WDR76: variants seen among roughly 807,000 people sequenced by gnomAD.
WDR76 encodes the protein WD repeat-containing protein 76.
Under a neutral mutation model 70.2 loss-of-function variants are expected in WDR76, and 52 were observed. That is an observed-to-expected ratio of 0.74 (90% CI 0.59 to 0.93). The LOEUF (loss-of-function observed/expected upper bound fraction) is 0.93, where lower values mean the gene tolerates loss of function less well. WDR76 is among the 40% of genes least tolerant of loss of function. The probability of loss-of-function intolerance (pLI) is 0.00; values close to 1 mark genes in which losing one functional copy is unlikely to be tolerated. For synonymous variants in WDR76, 292 were observed against 271.1 expected, an observed-to-expected ratio of 1.08 and a Z score of -0.76; for missense variants, 756 against 760.2, an observed-to-expected ratio of 0.99 and a Z score of 0.07.
Position 43,828,282 on chromosome 15 carries a change from G to C in WDR76, c.378G>C (p.Lys126Asn). 6.2e-7 allele frequency: 1 copy of C among 1,614,128 alleles called. No individual in the cohort carries two copies. The highest frequency in any genetic ancestry group is 8.5e-7 in the Non-Finnish European group (1 of 1,180,028). ...VHTESNKLQPKRTADAMNLSV... is the reference protein window; with the variant it reads ...VHTESNKLQPNRTADAMNLSV... ...CTGAAAGTAACAAGCTACAACCCAA[G>C]AGAACGGCAGATGCGATGAATCTCA... Residue 126 changes from lysine to asparagine, a missense_variant, in exon 2 of 13, where the codon AAG becomes AAC. Lys to Asn is a moderately conservative substitution (Grantham distance 94). Transcript: ENST00000263795.
chr15:43,856,584 T>G (rs936482935), intron 9 of WDR76, among the ~76,000 whole-genome samples: 1 of 150,254 alleles, frequency 6.7e-6, no homozygotes, highest in Non-Finnish European at 1.5e-5. Flanking sequence ...CTTTGTTTCT[T>G]TTTTGTTTTG....
intron 8 of WDR76, among the ~76,000 whole-genome samples, chr15:43,846,078 T>C (rs924208331): frequency 6.7e-6 from 1 of 149,748 alleles, no homozygotes; most frequent in African/African-American, 2.4e-5. Context: ...AGCCAAGAGA[T>C]GAGTTTCAAG....
intron 7 of WDR76, 147 bp downstream of exon 7, chr15:43,842,818 G>T: frequency 2.8e-6 from 2 of 705,168 alleles, no homozygotes; most frequent in Non-Finnish European, 4.6e-6. Flanking sequence ...CACAAGTGTT[G>T]CCATATACAA....
At chr15:43,831,484 G>C (rs563369662) in intron 2 of WDR76, among the ~76,000 whole-genome samples, 1 of 151,536 alleles carries the variant, frequency 6.6e-6, no homozygotes, top group African/African-American at 2.4e-5. Context: ...TATTACCCAG[G>C]ATGGAGTGCA....
At position 43,831,841 on chromosome 15, in the gene WDR76, G is replaced by GT. The variant is rs943153573; in HGVS notation, c.463-3209dup. Among the ~76,000 whole-genome samples the GT allele has an allele frequency of 2.7e-3, 393 of 144,264 alleles. 4 individuals carry two copies. In the South Asian group the frequency reaches 0.028, roughly 10 times the overall value. 94.6% of individuals were successfully genotyped at this position (144,264 alleles called of 152,430 possible). On this transcript the variant is annotated intron_variant, in intron 2 of 12. Transcript: ENST00000263795. Reference sequence around the variant, plus strand: ...CTTTGCATATCAGAGAAATTTTTTTGTTTTTTTTTTTGAGACGGAGTCTCA... The same window carrying GT: ...CTTTGCATATCAGAGAAATTTTTTTGTTTTTTTTTTTTGAGACGGAGTCTCA...
intron 4 of WDR76, among the ~76,000 whole-genome samples, chr15:43,836,862 C>T (rs2087662236): frequency 6.7e-6 from 1 of 148,726 alleles, no homozygotes; most frequent in Non-Finnish European, 1.5e-5. Flanking sequence ...GAAACCCCAT[C>T]GCTACTAAAA....
chr15:43,850,336 C>T (rs1464589210), intron 8 of WDR76, among the ~76,000 whole-genome samples: 2 of 151,112 alleles, frequency 1.3e-5, no homozygotes, highest in Non-Finnish European at 2.9e-5. Flanking sequence ...TGCTCTGTCA[C>T]CCAGGCTGGA....
intron 11 of WDR76, among the ~76,000 whole-genome samples, chr15:43,860,755 C>G (rs2087985733): frequency 6.6e-6 from 1 of 151,728 alleles, no homozygotes; most frequent in Admixed American, 6.6e-5. Context: ...GTGATCCTCC[C>G]ACCTTGGCCT....
intron 9 of WDR76, among the ~76,000 whole-genome samples, chr15:43,852,982 G>A (rs765357420): frequency 2.0e-5 from 3 of 151,956 alleles, no homozygotes; most frequent in Non-Finnish European, 4.4e-5. Flanking sequence ...TCCACCTCCC[G>A]GGTTCAAGCA....
chr15:43,843,904 C>A lies in WDR76; in HGVS notation c.882C>A (p.Tyr294Ter). The change falls in exon 8 of 13, where the codon TAC (tyrosine) becomes TAA (stop). Residue 294 changes from tyrosine (Y) to a stop codon, truncating the protein, a stop_gained. Coordinates refer to ENST00000263795, the MANE Select transcript of WDR76 (RefSeq NM_024908.4). LOFTEE classifies it high-confidence loss of function. ...TTTAACTTTGTAATTTTCTTAGCTA[C>A]AAAGCCAATTTAAATGGCATGGTCA... ...TEKGLSSIKSYKANLNGMVIS... is the reference protein window; with the variant it reads ...TEKGLSSIKS 1.3e-6 allele frequency: 2 copies of A among 1,564,528 alleles called. No individual in the cohort carries two copies. The highest frequency in any genetic ancestry group is 1.2e-5 in the South Asian group (1 of 81,982).
At chr15:43,839,837 T>C in intron 5 of WDR76, 109 bp downstream of exon 5, 1 of 1,274,762 alleles carries the variant, frequency 7.8e-7, no homozygotes, top group Non-Finnish European at 1.1e-6. Flanking sequence ...TTATATTTCA[T>C]TAATACTTGA....
intron 9 of WDR76, among the ~76,000 whole-genome samples, chr15:43,852,372 G>A (rs550195652): frequency 5.4e-4 from 82 of 150,798 alleles, no homozygotes; most frequent in African/African-American, 1.9e-3. Context: ...TGTTGTTGTC[G>A]TCGTTGTTGT....
At position 43,867,813 on chromosome 15, in the gene WDR76, G is replaced by A. The variant is rs1375478642; in HGVS notation, c.*1421G>A. 2 of 152,096 alleles carry A rather than the reference G, an allele frequency of 1.3e-5. No individual in the cohort carries two copies. The highest frequency in any genetic ancestry group is 2.4e-5 in the African/African-American group (1 of 41,422). 9.4% of individuals were successfully genotyped at this position (152,096 alleles called of 1,614,324 possible). A position where few individuals can be genotyped will look rare whatever the true frequency, so the allele number is the denominator to read the frequency against. On this transcript the variant is annotated 3_prime_UTR_variant, in exon 13 of 13. Transcript: ENST00000263795. ...AAGTTATGGTAATTTCAATGTGTTT[G>A]TTGTTGGGAGGGGAGCTGCCAAATC...
chr15:43,865,286 T>G (rs1017532148), intron 12 of WDR76, among the ~76,000 whole-genome samples: 1 of 151,528 alleles, frequency 6.6e-6, no homozygotes, highest in Non-Finnish European at 1.5e-5. Flanking sequence ...ATTTTTATTT[T>G]TTTTGAGACA....
Position 43,851,142 on chromosome 15 carries a change from T to C in WDR76, c.1088T>C (p.Val363Ala). Residue 363 changes from valine (V) to alanine (A), a missense_variant, in exon 9 of 13, where the codon GTT (valine) becomes GCT (alanine). Transcript: ENST00000263795. ...VYVFHPHSQP[V>A]SCLYFSPANP... ...GTTTTTCATCCCCATAGTCAGCCAG[T>C]TAGCTGTCTTTACTTCTCACCCGCC... is the stretch of plus-strand genomic sequence containing the variant. The C allele has an allele frequency of 6.2e-7, 1 of 1,614,140 alleles. No homozygotes were observed. Among genetic ancestry groups the C allele is most frequent in the Admixed American group, 1.7e-5 (1 of 60,016 alleles).
At chr15:43,862,378 C>G (rs1489906660) in intron 12 of WDR76, among the ~76,000 whole-genome samples, 17 of 137,826 alleles carry the variant, frequency 1.2e-4, no homozygotes, top group Admixed American at 1.2e-3. Context: ...AGTGCAGTGG[C>G]ATGATCTTGG....
intron 2 of WDR76, among the ~76,000 whole-genome samples, chr15:43,828,613 T>C (rs977918717): frequency 6.6e-6 from 1 of 152,222 alleles, no homozygotes; most frequent in Non-Finnish European, 1.5e-5. Flanking sequence ...CTTCCTTTTT[T>C]CTTTCTCTAA....
intron 8 of WDR76, 74 bp from the exon 9 acceptor site, chr15:43,851,013 C>T: frequency 1.3e-6 from 2 of 1,553,530 alleles, no homozygotes; most frequent in Non-Finnish European, 1.8e-6. Context: ...TCTTTAATGA[C>T]ATAATAGCAT....
chr15:43,830,873 C>T (rs1045325695), intron 2 of WDR76, among the ~76,000 whole-genome samples: 3 of 152,036 alleles, frequency 2.0e-5, no homozygotes, highest in African/African-American at 7.2e-5. Context: ...ATGGTGAAAG[C>T]CTGTCTCTCC....
Sources: gnomAD v4.1 joint callset for allele counts (sites outside exome capture counted in the v4.1 genomes callset) on GRCh38, gnomAD v4.1.1 for gene constraint, MANE v1.5 for transcripts, NCBI Gene and HGNC (gene_info 2026-07-23, HGNC 2026-07-21) for gene names.